The following PLCB4 variants were observed in gnomAD, a reference collection of about 807,000 sequenced individuals.
The protein encoded by PLCB4 is phospholipase C beta 4.
In PLCB4, 77 loss-of-function variants were observed where a neutral mutation model predicts 178.8. That is an observed-to-expected ratio of 0.43 (90% CI 0.36 to 0.52). The LOEUF (loss-of-function observed/expected upper bound fraction) is 0.52. Among genes scored for constraint, PLCB4 ranks in the 20% least tolerant of loss-of-function variants. The pLI is 0.00. For synonymous variants in PLCB4, 496 were observed against 490.8 expected, an observed-to-expected ratio of 1.01 and a Z score of -0.14; for missense variants, 1,024 against 1,453.4, an observed-to-expected ratio of 0.70 and a Z score of 4.80.
At chr20:9,317,937 A>G (rs2094918023) in intron 4 of PLCB4, among the ~76,000 whole-genome samples, 1 of 152,090 alleles carries the variant, frequency 6.6e-6, no homozygotes, top group Admixed American at 6.6e-5. Context: ...TGCCTTTACT[A>G]AAAATACAAA....
At chr20:9,296,947 A>G (rs2094643316) in intron 3 of PLCB4, among the ~76,000 whole-genome samples, 1 of 152,150 alleles carries the variant, frequency 6.6e-6, no homozygotes. Context: ...AACATGGCAC[A>G]TGTATACATA....
chr20:9,456,654 A>G (rs533247887), intron 33 of PLCB4, among the ~76,000 whole-genome samples: 1 of 152,310 alleles, frequency 6.6e-6, no homozygotes, highest in South Asian at 2.1e-4. Flanking sequence ...ATTGAATAAC[A>G]GAAGAGAGAA....
intron 2 of PLCB4, among the ~76,000 whole-genome samples, chr20:9,203,056 A>AAAATATATATAT (rs769628056): frequency 3.2e-5 from 4 of 126,148 alleles, no homozygotes; most frequent in African/African-American, 1.3e-4. Context: ...AAAAAAAAAA[A>AAAATATATATAT]ATATATATAT....
At chr20:9,410,954 G>A in intron 24 of PLCB4, 83 bp from the exon 25 acceptor site, 1 of 943,274 alleles carries the variant, frequency 1.1e-6, no homozygotes, top group East Asian at 2.4e-5. Flanking sequence ...GGAGCAATCT[G>A]ATACCTATTG....
chr20:9,208,097 T>C (rs2093633837), intron 2 of PLCB4, among the ~76,000 whole-genome samples: 1 of 152,212 alleles, frequency 6.6e-6, no homozygotes, highest in African/African-American at 2.4e-5. Context: ...TTGTGCTGTA[T>C]AATAGATGCA....
intron 4 of PLCB4, among the ~76,000 whole-genome samples, chr20:9,316,726 G>A (rs542593591): frequency 6.6e-6 from 1 of 152,276 alleles, no homozygotes; most frequent in African/African-American, 2.4e-5. Context: ...CCAGGCATCT[G>A]AGCACCACCT....
At chr20:9,424,126 T>C (rs2040833835) in intron 28 of PLCB4, among the ~76,000 whole-genome samples, 174 bp downstream of exon 28, 2 of 152,232 alleles carry the variant, frequency 1.3e-5, no homozygotes, top group South Asian at 4.1e-4. Context: ...TCAGGTTTCA[T>C]AGTAAGAAAT....
chr20:9,113,094 G>A (rs528963543), intron 2 of PLCB4, among the ~76,000 whole-genome samples: 325 of 152,282 alleles, frequency 2.1e-3, no homozygotes, highest in Non-Finnish European at 3.8e-3. Flanking sequence ...ATTTATGTGA[G>A]TGTGTGTGCA....
At chr20:9,315,239 A>C (rs923342064) in intron 4 of PLCB4, among the ~76,000 whole-genome samples, 1 of 152,226 alleles carries the variant, frequency 6.6e-6, no homozygotes, top group Non-Finnish European at 1.5e-5. Flanking sequence ...TGGAATCATT[A>C]GGCTACAACA....
At chr20:9,255,056 A>G (rs1285783080) in intron 3 of PLCB4, among the ~76,000 whole-genome samples, 1 of 152,200 alleles carries the variant, frequency 6.6e-6, no homozygotes, top group Non-Finnish European at 1.5e-5. Context: ...CTAGTAAAAT[A>G]TATATTTATA....
chr20:9,154,545 A>G (rs2092748116), intron 2 of PLCB4, among the ~76,000 whole-genome samples: 1 of 152,172 alleles, frequency 6.6e-6, no homozygotes, highest in African/African-American at 2.4e-5. Context: ...GAACATACAC[A>G]GCTCCTAAAT....
At chr20:9,152,538 G>A (rs2092708857) in intron 2 of PLCB4, among the ~76,000 whole-genome samples, 1 of 152,174 alleles carries the variant, frequency 6.6e-6, no homozygotes, top group Admixed American at 6.5e-5. Flanking sequence ...GAGCCTGTGG[G>A]TGCACAGAAG....
intron 3 of PLCB4, among the ~76,000 whole-genome samples, chr20:9,228,251 T>C (rs1282664840): frequency 6.6e-6 from 1 of 152,186 alleles, no homozygotes; most frequent in East Asian, 1.9e-4. Context: ...AACAACTTTC[T>C]CTTATGTAAA....
intron 2 of PLCB4, among the ~76,000 whole-genome samples, chr20:9,133,176 G>T (rs1405779708): frequency 6.6e-6 from 1 of 152,008 alleles, no homozygotes; most frequent in African/African-American, 2.4e-5. Context: ...CTTACCTTTA[G>T]GTCTTTGCTT....
chr20:9,235,767 T>A (rs1048752157), intron 3 of PLCB4, among the ~76,000 whole-genome samples: 70 of 152,206 alleles, frequency 4.6e-4, no homozygotes, highest in African/African-American at 1.7e-3. Context: ...AACCAACTCT[T>A]ATTGAAGAGG....
At chr20:9,444,910 A>G (rs2042322526) in intron 32 of PLCB4, among the ~76,000 whole-genome samples, 1 of 152,202 alleles carries the variant, frequency 6.6e-6, no homozygotes, top group Admixed American at 6.5e-5. Flanking sequence ...GATGCTAGCA[A>G]TCTGTCAACC....
chr20:9,345,520 T>C (rs2033708673), intron 7 of PLCB4, among the ~76,000 whole-genome samples: 1 of 152,200 alleles, frequency 6.6e-6, no homozygotes, highest in African/African-American at 2.4e-5. Flanking sequence ...TCACAGTCAC[T>C]AGACGTAAGA....
chr20:9,169,284 G>T (rs2093025153), intron 2 of PLCB4, among the ~76,000 whole-genome samples: 1 of 151,998 alleles, frequency 6.6e-6, no homozygotes, highest in Admixed American at 6.6e-5. Context: ...GTCTCAGCTT[G>T]TGAGATATGT....
Position 9,120,159 on chromosome 20 carries a change from G to A in PLCB4, c.-79+23817G>A, listed in dbSNP as rs371607866. Among the ~76,000 whole-genome samples the A allele has an allele frequency of 4.9e-3, 750 of 152,272 alleles. 4 individuals are homozygous for A. Among genetic ancestry groups the A allele is most frequent in the Middle Eastern group, 0.017 (5 of 294 alleles). On this transcript the variant is annotated intron_variant, in intron 2 of 39. Coordinates refer to ENST00000378473, the MANE Select transcript of PLCB4 (RefSeq NM_001377142.1). ...TTATGTGAAGGCCCATCTGCGTTACGGAAGTGAACAAACTGACTGAGTGCA... is the reference window on the plus strand; with the variant it reads ...TTATGTGAAGGCCCATCTGCGTTACAGAAGTGAACAAACTGACTGAGTGCA...
Sources: allele counts gnomAD v4.1 joint callset (sites outside exome capture counted in the v4.1 genomes callset), GRCh38; gene constraint gnomAD v4.1.1; transcripts MANE v1.5; gene names NCBI Gene and HGNC (gene_info 2026-07-23, HGNC 2026-07-21).